The following DAPK1 variants were observed in gnomAD, a reference collection of about 807,000 sequenced individuals.
DAPK1 encodes death associated protein kinase 1, also known as death-associated protein kinase 1.
DAPK1 carries 56 observed loss-of-function variants against 144.9 expected under a neutral mutation model. The ratio of observed to expected loss-of-function variants is 0.39; its 90% confidence interval spans 0.31 to 0.48. The LOEUF (loss-of-function observed/expected upper bound fraction) is 0.48, where lower values mean the gene tolerates loss of function less well. DAPK1 is among the 20% of genes least tolerant of loss of function. The probability of loss-of-function intolerance (pLI) is 0.95; values close to 1 mark genes in which losing one functional copy is unlikely to be tolerated. For missense variants in DAPK1, 1,454 were observed against 1,875.4 expected, an observed-to-expected ratio of 0.78 and a Z score of 4.15; for synonymous variants, 690 against 749.0, an observed-to-expected ratio of 0.92 and a Z score of 1.29.
intron 21 of DAPK1, among the ~76,000 whole-genome samples, chr9:87,694,907 T>G (rs1008865068): frequency 3.3e-5 from 5 of 152,194 alleles, no homozygotes; most frequent in African/African-American, 1.2e-4. Flanking sequence ...GCTCCCTCTC[T>G]GGAGCAATAC....
intron 2 of DAPK1, among the ~76,000 whole-genome samples, chr9:87,499,624 T>C (rs1485928868): frequency 6.6e-6 from 1 of 152,206 alleles, no homozygotes; most frequent in African/African-American, 2.4e-5. Context: ...GATGTTGACA[T>C]TGGGCTTGGA....
chr9:87,638,175 A>C (rs995624426), intron 4 of DAPK1, 94 bp downstream of exon 4: 4 of 1,331,872 alleles, frequency 3.0e-6, no homozygotes, highest in Non-Finnish European at 4.1e-6. Flanking sequence ...TGAAAGAGTT[A>C]CATGATTTTC....
intron 11 of DAPK1, among the ~76,000 whole-genome samples, chr9:87,644,936 A>C (rs1268739758): frequency 2.6e-5 from 4 of 152,230 alleles, no homozygotes; most frequent in African/African-American, 7.2e-5. Context: ...CATTGACTTC[A>C]ATTGTGATAG....
chr9:87,667,162 G>C (rs1587827923), intron 18 of DAPK1, among the ~76,000 whole-genome samples: 1 of 152,292 alleles, frequency 6.6e-6, no homozygotes, highest in East Asian at 1.9e-4. Context: ...ATTTGGCATG[G>C]ATCCCTGGTT....
At chr9:87,551,223 C>T (rs1283456028) in intron 2 of DAPK1, among the ~76,000 whole-genome samples, 1 of 152,066 alleles carries the variant, frequency 6.6e-6, no homozygotes, top group Non-Finnish European at 1.5e-5. Context: ...TCTCGGCTCA[C>T]TGCAACCTCT....
In DAPK1 at chr9:87,679,822, G is replaced by A. The variant is rs146939345; in HGVS notation, c.2002-1582G>A. Among the ~76,000 whole-genome samples, 21 of 152,260 alleles carry A rather than the reference G, an allele frequency of 1.4e-4. 1 individual carries two copies. Among genetic ancestry groups the A allele is most frequent in the South Asian group, 2.1e-4 (1 of 4,810 alleles). On this transcript the variant is annotated intron_variant, in intron 19 of 25. Transcript: ENST00000408954. ...GGATATTGTGTTCCCAGCCCCCTCT[G>A]CAGCATGGAGCTTGTACGTTGGAGT...
rs182863536 is a variant in DAPK1 at position 87,505,550 on chromosome 9, C to T, written c.62+6411C>T. Among the ~76,000 whole-genome samples the T allele has an allele frequency of 2.7e-3, 404 of 151,968 alleles. 3 individuals carry two copies. The highest frequency in any genetic ancestry group is 0.021 in the Middle Eastern group (6 of 288). ...AGCTGGGATTACAGGCGCCTGCCAC[C>T]GTGCCTGGCTTATTTTTTGTATTTT... On this transcript the variant is annotated intron_variant, in intron 2 of 25. Transcript: ENST00000408954.
Position 87,698,771 on chromosome 9 carries a change from G to T in DAPK1, c.2727G>T (p.Ser909=). The part of the protein sequence containing the change: ...GGEFGYDKDT[S]LLKEIRNRFG... ...AGTTTGGATATGACAAAGACACATC[G>T]TTGCTGAAAGAGATTAGGAACAGGT... Residue 909 remains serine (S), a synonymous_variant, in exon 23 of 26, where the codon TCG becomes TCT. Transcript: ENST00000408954. 6.2e-7 allele frequency: 1 copy of T among 1,607,308 alleles called. No individual in the cohort carries two copies. The highest frequency in any genetic ancestry group is 2.2e-5 in the East Asian group (1 of 44,832).
At chr9:87,583,217 G>A (rs1168951171) in intron 2 of DAPK1, among the ~76,000 whole-genome samples, 1 of 152,058 alleles carries the variant, frequency 6.6e-6, no homozygotes, top group Non-Finnish European at 1.5e-5. Context: ...CCCCTTTATT[G>A]TGGTATTTGA....
Position 87,502,247 on chromosome 9 carries a change from C to T in DAPK1, c.62+3108C>T, listed in dbSNP as rs574552602. On this transcript the variant is annotated intron_variant, in intron 2 of 25. Coordinates refer to ENST00000408954, the MANE Select transcript of DAPK1 (RefSeq NM_004938.4). Reference sequence around the variant, plus strand: ...CAGCCCTGGCCTTGAGCTGGCACACCCTCCAAGCAGAAGCAAGTCCCTGCA... The same window carrying T: ...CAGCCCTGGCCTTGAGCTGGCACACTCTCCAAGCAGAAGCAAGTCCCTGCA... Among the ~76,000 whole-genome samples, 221 of 151,920 alleles carry T rather than the reference C, an allele frequency of 1.5e-3. 1 individual carries two copies. Among genetic ancestry groups the T allele is most frequent in the Middle Eastern group, 6.8e-3 (2 of 292 alleles).
At chr9:87,582,501 A>C (rs1469923823) in intron 2 of DAPK1, among the ~76,000 whole-genome samples, 1 of 150,456 alleles carries the variant, frequency 6.6e-6, no homozygotes, top group Admixed American at 6.6e-5. Flanking sequence ...TGCTATGTTT[A>C]CTGATGGCCA....
intron 2 of DAPK1, among the ~76,000 whole-genome samples, chr9:87,558,332 A>G (rs1826790796): frequency 1.3e-5 from 2 of 152,230 alleles, no homozygotes; most frequent in South Asian, 2.1e-4. Context: ...AGAGCAGGCC[A>G]CTGGACTGCA....
At chr9:87,567,850 A>C (rs1279295226) in intron 2 of DAPK1, among the ~76,000 whole-genome samples, 1 of 152,120 alleles carries the variant, frequency 6.6e-6, no homozygotes, top group Non-Finnish European at 1.5e-5. Context: ...TTGGCTAGCG[A>C]TCGTTTCCAT....
Position 87,659,315 on chromosome 9 carries a change from A to G in DAPK1, c.1923+1188A>G, listed in dbSNP as rs549970650. Among the ~76,000 whole-genome samples, 7 of 152,090 alleles carry G rather than the reference A, an allele frequency of 4.6e-5. 1 individual carries two copies. The South Asian group carries it at 1.5e-3, about 32-fold the overall frequency. On this transcript the variant is annotated intron_variant, in intron 18 of 25. Transcript: ENST00000408954. ...AGGCCCCTTTCTAGGGCACCTGGTC[A>G]CCCACCGCAAACGCACACACCATAC... is the stretch of plus-strand genomic sequence containing the variant.
At chr9:87,642,714 T>G (rs1830137704) in intron 10 of DAPK1, among the ~76,000 whole-genome samples, 1 of 152,166 alleles carries the variant, frequency 6.6e-6, no homozygotes, top group Non-Finnish European at 1.5e-5. Flanking sequence ...GTACCTCGTT[T>G]TCACACCTAC....
chr9:87,605,229 A>G lies in DAPK1; in HGVS notation c.284+54A>G, dbSNP rs1039382115. ...GAGGGTGTGGTGGGCGTCAGCTGGC[A>G]TCTTCGTTCCAGCTGGACCACGCCA... On this transcript the variant is annotated intron_variant, in intron 3 of 25. Coordinates refer to ENST00000408954, the MANE Select transcript of DAPK1 (RefSeq NM_004938.4). The G allele has an allele frequency of 1.4e-5, 20 of 1,462,298 alleles. No individual in the cohort carries two copies. In the South Asian group the frequency reaches 2.3e-4, roughly 17 times the overall value. The allele number at this position is 1,462,298 out of a possible 1,614,324, so 90.6% of individuals were successfully genotyped here. A position where few individuals can be genotyped will look rare whatever the true frequency, so the allele number is the denominator to read the frequency against.
intron 19 of DAPK1, among the ~76,000 whole-genome samples, chr9:87,675,825 A>G: frequency 6.9e-6 from 1 of 145,590 alleles, no homozygotes; most frequent in East Asian, 2.0e-4. Context: ...ATTAGAGCTA[A>G]TACAGGTAAA....
chr9:87,705,592 T>G (rs1325389497), intron 25 of DAPK1, among the ~76,000 whole-genome samples: 2 of 152,242 alleles, frequency 1.3e-5, no homozygotes, highest in Admixed American at 1.3e-4. Flanking sequence ...TCTATTTATT[T>G]ACTTATTTAT....
chr9:87,553,499 T>TC (rs1826577210), intron 2 of DAPK1: 2 of 90,372 alleles, frequency 2.2e-5, no homozygotes, highest in Admixed American at 1.0e-4. Flanking sequence ...TTCTTTTCTT[T>TC]TTTTTTTTTT....
Sources: allele counts gnomAD v4.1 joint callset (sites outside exome capture counted in the v4.1 genomes callset), GRCh38; gene constraint gnomAD v4.1.1; transcripts MANE v1.5; gene names NCBI Gene and HGNC (gene_info 2026-07-23, HGNC 2026-07-21).